The following GAL3ST4 variants were observed in gnomAD, a reference collection of about 807,000 sequenced individuals.
GAL3ST4 encodes the protein galactose-3-O-sulfotransferase 4.
A neutral mutation model predicts 31.6 loss-of-function variants in GAL3ST4; 30 were observed. The observed-to-expected ratio is 0.95, with a 90% CI of 0.71 to 1.29. GAL3ST4 has a LOEUF of 1.29. Among genes scored for constraint, GAL3ST4 ranks in the 50% most tolerant of loss-of-function variants. The pLI is 0.00. For synonymous variants in GAL3ST4, 248 were observed against 256.9 expected (o/e 0.97, Z 0.33); for missense variants, 629 against 625.2 (o/e 1.01, Z -0.06).
rs763878367 is a variant in GAL3ST4, at chr7:100,160,825, G to T, written c.564C>A (p.Phe188Leu). The change falls in exon 4 of 4, where the codon TTC becomes TTA. Residue 188 changes from phenylalanine (F) to leucine (L), a missense_variant. Transcript: ENST00000360039. ...TGTAGAAGCCTCGAGGATTGGCCAGGAAGGCAGCCAAAGATGGTGACTTGC... is the reference window on the plus strand; with the variant it reads ...TGTAGAAGCCTCGAGGATTGGCCAGTAAGGCAGCCAAAGATGGTGACTTGC... ...AFRKSPSLAA[F>L]LANPRGFYRP... 3.1e-6 allele frequency: 5 copies of T among 1,614,140 alleles called. No individual in the cohort carries two copies. The East Asian group carries it at 1.1e-4, about 36-fold the overall frequency.
Position 100,159,867 on chromosome 7 carries a change from C to A in GAL3ST4, c.*61G>T, listed in dbSNP as rs1264026421. On this transcript the variant is annotated 3_prime_UTR_variant, in exon 4 of 4. Coordinates refer to ENST00000360039, the MANE Select transcript of GAL3ST4 (RefSeq NM_024637.5). The stretch of plus-strand genomic sequence containing the variant: ...GCAGAAATGGCATCTTGCTGCCCCC[C>A]ACTCATCACATGTGCCCTTCAAACA... The A allele has an allele frequency of 2.2e-6, 3 of 1,362,760 alleles. No homozygotes were observed. The highest frequency in any genetic ancestry group is 1.3e-5 in the South Asian group (1 of 74,286). The allele number at this position is 1,362,760 out of a possible 1,614,324, so 84.4% of individuals were successfully genotyped here.
chr7:100,159,709 G>C lies in GAL3ST4; in HGVS notation c.*219C>G, dbSNP rs528774292. 2.7e-5 allele frequency: 14 copies of C among 522,024 alleles called. No individual in the cohort carries two copies. The highest frequency in any genetic ancestry group is 2.5e-4 in the South Asian group (10 of 39,418). The allele number at this position is 522,024 out of a possible 1,614,324, so 32.3% of individuals were successfully genotyped here. On this transcript the variant is annotated 3_prime_UTR_variant, in exon 4 of 4. Transcript: ENST00000360039. Reference sequence around the variant, plus strand: ...CACTCCAGCCTGGGGGACAGAGCAAGACTCCGTTTCAAAAAAAAAAAAAGT... The same window carrying C: ...CACTCCAGCCTGGGGGACAGAGCAACACTCCGTTTCAAAAAAAAAAAAAGT...
At position 100,167,165 on chromosome 7, in the gene GAL3ST4, A is replaced by C. The variant is rs2116975882; in HGVS notation, c.-70T>G. ...CAGGAAGAGGGGCAGAGACAGCTGG[A>C]GACAGCCGTGCAGCTGCGGAAGGCA... On this transcript the variant is annotated 5_prime_UTR_variant, in exon 2 of 4. Transcript: ENST00000360039. The C allele has an allele frequency of 3.2e-6, 5 of 1,551,164 alleles. No individual in the cohort carries two copies. In the African/African-American group the frequency reaches 5.5e-5, roughly 17 times the overall value.
intron 3 of GAL3ST4, among the ~76,000 whole-genome samples, chr7:100,165,662 A>G (rs1213010452): frequency 6.6e-6 from 1 of 151,682 alleles, no homozygotes; most frequent in Non-Finnish European, 1.5e-5. Context: ...ACAAAAAATA[A>G]AATAAAAAAA....
chr7:100,159,714 C>T lies in GAL3ST4; in HGVS notation c.*214G>A, dbSNP rs1235150700. ...CAGCCTGGGGGACAGAGCAAGACTC[C>T]GTTTCAAAAAAAAAAAAAGTTGGGG... is the stretch of plus-strand genomic sequence containing the variant. On this transcript the variant is annotated 3_prime_UTR_variant, in exon 4 of 4. Transcript: ENST00000360039. 1.3e-5 allele frequency: 7 copies of T among 528,592 alleles called. No individual in the cohort carries two copies. Among genetic ancestry groups the T allele is most frequent in the Non-Finnish European group, 2.0e-5 (6 of 301,030 alleles). The allele number at this position is 528,592 out of a possible 1,614,324, so 32.7% of individuals were successfully genotyped here. A position where few individuals can be genotyped will look rare whatever the true frequency, so the allele number is the denominator to read the frequency against.
At chr7:100,163,505 C>A (rs1799033678) in intron 3 of GAL3ST4, among the ~76,000 whole-genome samples, 1 of 142,394 alleles carries the variant, frequency 7.0e-6, no homozygotes, top group Non-Finnish European at 1.5e-5. Context: ...AGGGGGAGGA[C>A]AGGAAATGAG....
At chr7:100,161,311 C>T (rs897022108) in intron 3 of GAL3ST4, among the ~76,000 whole-genome samples, 5 of 151,434 alleles carry the variant, frequency 3.3e-5, no homozygotes, top group Non-Finnish European at 5.9e-5. Context: ...GCTATGTTGC[C>T]GAGGCCAGCC....
At chr7:100,165,658 A>C (rs902637640) in intron 3 of GAL3ST4, among the ~76,000 whole-genome samples, 1 of 151,798 alleles carries the variant, frequency 6.6e-6, no homozygotes, top group African/African-American at 2.4e-5. Flanking sequence ...CTCTACAAAA[A>C]ATAAAATAAA....
rs751804463 is a variant in GAL3ST4, at chr7:100,160,770, G to A, written c.619C>T (p.Arg207Cys). The part of the protein sequence containing the change: ...RPGARGDHYA[R>C]NLLWFDFGLP... ...CCAAAGTCAAACCATAGTAAGTTGC[G>A]AGCGTAGTGGTCCCCACGGGCCCCA... is the stretch of plus-strand genomic sequence containing the variant. The change falls in exon 4 of 4, where the codon CGC becomes TGC. Residue 207 changes from arginine to cysteine, a missense_variant. Transcript: ENST00000360039. The A allele has an allele frequency of 2.3e-5, 37 of 1,614,082 alleles. No homozygotes were observed. Among genetic ancestry groups the A allele is most frequent in the Admixed American group, 2.0e-4 (12 of 60,004 alleles).
chr7:100,163,265 G>A (rs578005918), intron 3 of GAL3ST4, among the ~76,000 whole-genome samples: 10 of 152,304 alleles, frequency 6.6e-5, no homozygotes, highest in Admixed American at 3.3e-4. Context: ...TGATTACACC[G>A]CTCTGCAAGA....
At position 100,160,914 on chromosome 7, in the gene GAL3ST4, G is replaced by A. The variant is rs148850474; in HGVS notation, c.475C>T (p.Arg159Ter). 6.7e-5 allele frequency: 107 copies of A among 1,606,522 alleles called. 2 individuals carry two copies. In the South Asian group the frequency reaches 9.1e-4, roughly 14 times the overall value. Reference protein sequence around the residue: ...PSDSFFFSIVRDPAALARSAF... With the variant: ...PSDSFFFSIV ...GAGCGAGCCAGAGCCGCTGGGTCTCGGACAATGGAAAAAAAGAAGCTGTCA... is the reference window on the plus strand; with the variant it reads ...GAGCGAGCCAGAGCCGCTGGGTCTCAGACAATGGAAAAAAAGAAGCTGTCA... The change falls in exon 4 of 4, where the codon CGA becomes TGA. Residue 159 changes from arginine (R) to a stop codon, truncating the protein, a stop_gained. Transcript: ENST00000360039. LOFTEE classifies it high-confidence loss of function.
At chr7:100,165,200 T>C (rs1799054017) in intron 3 of GAL3ST4, among the ~76,000 whole-genome samples, 1 of 151,522 alleles carries the variant, frequency 6.6e-6, no homozygotes, top group Non-Finnish European at 1.5e-5. Context: ...AAATGGAGTC[T>C]CGCTCTGTTG....
chr7:100,161,261 G>T (rs560421942), intron 3 of GAL3ST4, among the ~76,000 whole-genome samples: 1 of 152,286 alleles, frequency 6.6e-6, no homozygotes, highest in African/African-American at 2.4e-5. Context: ...TGTAGTCCCA[G>T]CTACTCAGGA....
rs1195147784 is a variant in GAL3ST4 at position 100,159,861 on chromosome 7, GC to G, written c.*66del. The G allele has an allele frequency of 1.5e-6, 2 of 1,315,738 alleles. No individual in the cohort carries two copies. The highest frequency in any genetic ancestry group is 1.1e-6 in the Non-Finnish European group (1 of 945,766). The allele number at this position is 1,315,738 out of a possible 1,614,324, so 81.5% of individuals were successfully genotyped here. On this transcript the variant is annotated 3_prime_UTR_variant, in exon 4 of 4. Transcript: ENST00000360039. ...GGAGATGCAGAAATGGCATCTTGCT[GC>G]CCCCCACTCATCACATGTGCCCTTC...
rs1798966915 is a variant in GAL3ST4, at chr7:100,159,884, C to T, written c.*44G>A. On this transcript the variant is annotated 3_prime_UTR_variant, in exon 4 of 4. Coordinates refer to ENST00000360039, the MANE Select transcript of GAL3ST4 (RefSeq NM_024637.5). ...CTGCCCCCCACTCATCACATGTGCC[C>T]TTCAAACATGGCTGCTCTTCCACCT... is the stretch of plus-strand genomic sequence containing the variant. The T allele has an allele frequency of 1.3e-6, 2 of 1,506,304 alleles. No homozygotes were observed. Among genetic ancestry groups the T allele is most frequent in the South Asian group, 2.5e-5 (2 of 79,534 alleles). 93.3% of individuals were successfully genotyped at this position (1,506,304 alleles called of 1,614,324 possible).
At chr7:100,166,877 G>A in intron 2 of GAL3ST4, 72 bp from the exon 3 acceptor site, 2 of 1,548,722 alleles carry the variant, frequency 1.3e-6, no homozygotes. Flanking sequence ...GGGCATGGAG[G>A]CTTCTGAGTC....
At position 100,166,636 on chromosome 7, in the gene GAL3ST4, G is replaced by A. The variant is rs771758218; in HGVS notation, c.295C>T (p.Leu99Phe). The A allele has an allele frequency of 1.2e-6, 2 of 1,614,248 alleles. No individual in the cohort carries two copies. Among genetic ancestry groups the A allele is most frequent in the African/African-American group, 1.3e-5 (1 of 75,074 alleles). Residue 99 changes from leucine (L) to phenylalanine (F), a missense_variant, in exon 3 of 4, where the codon CTC becomes TTC. Transcript: ENST00000360039. ...YGDQHGLRFA[L>F]PARYQFGYPK... ...TAGCCAAACTGGTAGCGGGCAGGGAGGGCGAAGCGCAGCCCGTGCTGGTCC... is the reference window on the plus strand; with the variant it reads ...TAGCCAAACTGGTAGCGGGCAGGGAAGGCGAAGCGCAGCCCGTGCTGGTCC...
chr7:100,167,114 A>C lies in GAL3ST4; in HGVS notation c.-19T>G. ...GGCCCATGTGGCACAGGGAAGGGTGAGGTGACAGAGAGATGGAGCCAGGGC... is the reference window on the plus strand; with the variant it reads ...GGCCCATGTGGCACAGGGAAGGGTGCGGTGACAGAGAGATGGAGCCAGGGC... On this transcript the variant is annotated 5_prime_UTR_variant, in exon 2 of 4. Coordinates refer to ENST00000360039, the MANE Select transcript of GAL3ST4 (RefSeq NM_024637.5). 6.4e-7 allele frequency: 1 copy of C among 1,552,690 alleles called. No homozygotes were observed. Among genetic ancestry groups the C allele is most frequent in the African/African-American group, 1.4e-5 (1 of 73,268 alleles).
In GAL3ST4 at chr7:100,167,135, A is replaced by G; in HGVS notation, c.-40T>C. The stretch of plus-strand genomic sequence containing the variant: ...GGTGAGGTGACAGAGAGATGGAGCC[A>G]GGGCCAGGAAGAGGGGCAGAGACAG... On this transcript the variant is annotated 5_prime_UTR_variant, in exon 2 of 4. Coordinates refer to ENST00000360039, the MANE Select transcript of GAL3ST4 (RefSeq NM_024637.5). 6.4e-7 allele frequency: 1 copy of G among 1,551,978 alleles called. No individual in the cohort carries two copies. The highest frequency in any genetic ancestry group is 1.2e-5 in the South Asian group (1 of 84,076).
Sources: allele counts gnomAD v4.1 joint callset (sites outside exome capture counted in the v4.1 genomes callset), GRCh38; gene constraint gnomAD v4.1.1; transcripts MANE v1.5; gene names NCBI Gene and HGNC (gene_info 2026-07-23, HGNC 2026-07-21).